Variants in NRXN3 observed in about 807,000 individuals in gnomAD.
NRXN3 encodes neurexin 3.
A neutral mutation model predicts 137.6 loss-of-function variants in NRXN3; 32 were observed. The observed-to-expected ratio is 0.23, with a 90% confidence interval of 0.18 to 0.31. NRXN3 has a LOEUF of 0.31. Among genes scored for constraint, NRXN3 ranks in the 10% least tolerant of loss-of-function variants. NRXN3 has a pLI of 1.00. For synonymous variants in NRXN3, 798 were observed against 784.5 expected, an observed-to-expected ratio of 1.02 and a Z score of -0.29; for missense variants, 1,574 against 2,062.5, an observed-to-expected ratio of 0.76 and a Z score of 4.59.
At chr14:79,260,105 T>C (rs1344640764) in intron 15 of NRXN3, among the ~76,000 whole-genome samples, 2 of 152,190 alleles carry the variant, frequency 1.3e-5, no homozygotes, top group Non-Finnish European at 2.9e-5. Context: ...TTCTATTTCA[T>C]ACTTGTCTAA....
intron 4 of NRXN3, among the ~76,000 whole-genome samples, chr14:78,430,041 G>A (rs552889060): frequency 2.0e-5 from 3 of 152,224 alleles, no homozygotes; most frequent in South Asian, 2.1e-4. Context: ...TGAGAGCAGC[G>A]TAGGCAACAT....
intron 20 of NRXN3, among the ~76,000 whole-genome samples, chr14:79,838,679 T>C (rs2293834): frequency 0.77 from 116,700 of 152,064 alleles, 45,082 homozygotes; most frequent in East Asian, 0.91. Context: ...TGCCTTATAG[T>C]GCCTTTCTCA....
intron 19 of NRXN3, among the ~76,000 whole-genome samples, chr14:79,796,501 AT>A (rs1200209829): frequency 6.6e-6 from 1 of 152,006 alleles, no homozygotes; most frequent in Admixed American, 6.6e-5. Flanking sequence ...TTTTGAGCAA[AT>A]AGAAGAAAAA....
At chr14:78,955,735 TC>T (rs2099395721) in intron 10 of NRXN3, among the ~76,000 whole-genome samples, 1 of 152,164 alleles carries the variant, frequency 6.6e-6, no homozygotes, top group African/African-American at 2.4e-5. Context: ...GGAGAGTTCC[TC>T]CAAACTTGAA....
At chr14:78,298,637 A>G (rs553181508) in intron 4 of NRXN3, among the ~76,000 whole-genome samples, 36 of 152,188 alleles carry the variant, frequency 2.4e-4, no homozygotes, top group Non-Finnish European at 4.9e-4. Flanking sequence ...TTGAGAGCTG[A>G]GCCTAGTTAA....
At chr14:78,778,730 C>CTT (rs1344399160) in intron 8 of NRXN3, among the ~76,000 whole-genome samples, 173 of 118,018 alleles carry the variant, frequency 1.5e-3, no homozygotes, top group African/African-American at 3.9e-3. Context: ...TTCTTTCTTT[C>CTT]TCTCTCTCTT....
At chr14:78,481,828 A>T (rs1332516702) in intron 4 of NRXN3, among the ~76,000 whole-genome samples, 1 of 152,160 alleles carries the variant, frequency 6.6e-6, no homozygotes, top group Admixed American at 6.5e-5. Flanking sequence ...CATTTTGCTT[A>T]TCCTGCCCCT....
chr14:78,776,287 A>G (rs532764886), intron 8 of NRXN3, among the ~76,000 whole-genome samples: 18 of 152,318 alleles, frequency 1.2e-4, no homozygotes, highest in African/African-American at 3.6e-4. Context: ...AATTCTGAGT[A>G]GTGTTGTGCA....
chr14:78,555,897 G>C (rs912901244), intron 4 of NRXN3, among the ~76,000 whole-genome samples: 2 of 152,180 alleles, frequency 1.3e-5, no homozygotes, highest in African/African-American at 4.8e-5. Flanking sequence ...TTGTTTTTCA[G>C]ATTCAAAGGT....
intron 6 of NRXN3, among the ~76,000 whole-genome samples, chr14:78,697,247 C>T (rs553215535): frequency 1.3e-5 from 2 of 152,024 alleles, no homozygotes; most frequent in South Asian, 4.2e-4. Context: ...TTTAGACATC[C>T]TATGTCCCTT....
intron 4 of NRXN3, among the ~76,000 whole-genome samples, chr14:78,400,705 T>C (rs2091968117): frequency 6.6e-6 from 1 of 152,176 alleles, no homozygotes; most frequent in Non-Finnish European, 1.5e-5. Flanking sequence ...ATGGTCTCTG[T>C]CTTCAAAGTG....
intron 16 of NRXN3, among the ~76,000 whole-genome samples, chr14:79,621,258 C>A (rs1180306397): frequency 6.6e-6 from 1 of 152,068 alleles, no homozygotes; most frequent in African/African-American, 2.4e-5. Context: ...TAATCAGCAC[C>A]CAACTATGCC....
At position 78,756,322 on chromosome 14, in the gene NRXN3, T is replaced by C. The variant is rs113865049; in HGVS notation, c.2044+41183T>C. Among the ~76,000 whole-genome samples the C allele has an allele frequency of 5.6e-3, 859 of 152,192 alleles. 7 individuals are homozygous for C. Among genetic ancestry groups the C allele is most frequent in the East Asian group, 0.032 (167 of 5,174 alleles). ...GGTAAACGTGGCAAAACCCTATCTC[T>C]ACTAAAGATACAAAAATTAGTCGGG... On this transcript the variant is annotated intron_variant, in intron 8 of 20. Coordinates refer to ENST00000335750, the MANE Select transcript of NRXN3 (RefSeq NM_001330195.2).
chr14:78,623,546 C>T lies in NRXN3; in HGVS notation c.758-21574C>T, dbSNP rs181480599. Among the ~76,000 whole-genome samples, 21 of 152,274 alleles carry T rather than the reference C, an allele frequency of 1.4e-4. No individual in the cohort carries two copies. In the East Asian group the frequency reaches 2.9e-3, roughly 21 times the overall value. ...TTTATAGCAAATAGCCATTCTATAG[C>T]AGATGCCATTCATTTATTTTATTTT... On this transcript the variant is annotated intron_variant, in intron 4 of 20. Transcript: ENST00000335750.
intron 16 of NRXN3, among the ~76,000 whole-genome samples, chr14:79,651,775 C>A (rs2098477230): frequency 6.6e-6 from 1 of 152,122 alleles, no homozygotes; most frequent in African/African-American, 2.4e-5. Context: ...GGAAAGTGTG[C>A]CTCATTGAGC....
chr14:78,487,071 G>T (rs1220129150), intron 4 of NRXN3, among the ~76,000 whole-genome samples: 1 of 152,180 alleles, frequency 6.6e-6, no homozygotes, highest in Non-Finnish European at 1.5e-5. Context: ...TCCAGTCACT[G>T]CTATGGTCTG....
intron 10 of NRXN3, among the ~76,000 whole-genome samples, chr14:78,908,771 C>G (rs1455720241): frequency 6.6e-6 from 1 of 151,964 alleles, no homozygotes; most frequent in Non-Finnish European, 1.5e-5. Context: ...GAACAAACAT[C>G]AAATTTATGG....
chr14:78,490,447 T>A (rs1317160242), intron 4 of NRXN3, among the ~76,000 whole-genome samples: 2 of 152,202 alleles, frequency 1.3e-5, no homozygotes, highest in Non-Finnish European at 2.9e-5. Context: ...CATAGTATTA[T>A]CACTTTCTTG....
Position 78,774,782 on chromosome 14 carries a change from A to G in NRXN3, c.2045-28838A>G, listed in dbSNP as rs912928913. Reference sequence around the variant, plus strand: ...AAAAATAAAAATACAAAATTAGCTGAGTGTGGTAGTGCACACCTGTAGTCC... The same window carrying G: ...AAAAATAAAAATACAAAATTAGCTGGGTGTGGTAGTGCACACCTGTAGTCC... On this transcript the variant is annotated intron_variant, in intron 8 of 20. Transcript: ENST00000335750. Among the ~76,000 whole-genome samples, 19 of 152,112 alleles carry G rather than the reference A, an allele frequency of 1.2e-4. 1 individual carries two copies. In the East Asian group the frequency reaches 3.5e-3, roughly 28 times the overall value.
Sources: allele counts gnomAD v4.1 joint callset (sites outside exome capture counted in the v4.1 genomes callset), GRCh38; gene constraint gnomAD v4.1.1; transcripts MANE v1.5; gene names NCBI Gene and HGNC (gene_info 2026-07-23, HGNC 2026-07-21).